MAPK10: variants seen among roughly 807,000 people sequenced by gnomAD.
The protein encoded by MAPK10 is JNK3 alpha protein kinase.
Under a neutral mutation model 59.3 loss-of-function variants are expected in MAPK10, and 25 were observed. The ratio of observed to expected loss-of-function variants is 0.42; its 90% CI spans 0.31 to 0.59. MAPK10 has a LOEUF of 0.59. MAPK10 is among the 20% of genes least tolerant of loss of function. The probability of loss-of-function intolerance (pLI) is 0.15; values close to 1 mark genes in which losing one functional copy is unlikely to be tolerated. For missense variants in MAPK10, 351 were observed against 568.9 expected (o/e 0.62, Z 3.90); for synonymous variants, 190 against 200.5 (o/e 0.95, Z 0.44).
At chr4:86,306,232 G>C (rs968078138) in intron 2 of MAPK10, among the ~76,000 whole-genome samples, 1 of 152,196 alleles carries the variant, frequency 6.6e-6, no homozygotes, top group South Asian at 2.1e-4. Context: ...TAAAATGTGT[G>C]AGAAGAGTGG....
At position 86,102,341 on chromosome 4, in the gene MAPK10, A is replaced by T. The variant is rs2055590112; in HGVS notation, c.426-309T>A. 3 of 249,514 alleles carry T rather than the reference A, an allele frequency of 1.2e-5. No homozygotes were observed. In the South Asian group the frequency reaches 3.1e-4, roughly 26 times the overall value. The allele number at this position is 249,514 out of a possible 1,614,324, so 15.5% of individuals were successfully genotyped here. ...TGAATATTATAATTTCAAATAAGAA[A>T]AAAATTAAGGACAGCTTCTTCCATT... is the stretch of plus-strand genomic sequence containing the variant. On this transcript the variant is annotated intron_variant, in intron 6 of 13. Transcript: ENST00000641462.
At chr4:86,582,131 G>C (rs1423708779) in intron 1 of MAPK10, among the ~76,000 whole-genome samples, 1 of 151,210 alleles carries the variant, frequency 6.6e-6, no homozygotes, top group Non-Finnish European at 1.5e-5. Flanking sequence ...TTTATTGTTT[G>C]TAATCTGTAA....
At chr4:86,397,864 CAAA>C (rs759585442) in intron 1 of MAPK10, among the ~76,000 whole-genome samples, 501 of 51,738 alleles carry the variant, frequency 9.7e-3, no homozygotes, top group Middle Eastern at 0.032. Context: ...TCTGCTATGG[CAAA>C]AAAAAAAAAA....
intron 4 of MAPK10, among the ~76,000 whole-genome samples, chr4:86,149,557 G>T (rs1022842297): frequency 6.6e-6 from 1 of 152,094 alleles, no homozygotes; most frequent in Non-Finnish European, 1.5e-5. Flanking sequence ...ACGAGTCACC[G>T]CACCCAACCT....
intron 4 of MAPK10, among the ~76,000 whole-genome samples, chr4:86,127,959 A>AT (rs1277293854): frequency 1.3e-5 from 2 of 151,956 alleles, no homozygotes; most frequent in Non-Finnish European, 1.5e-5. Context: ...ATATGTAGGG[A>AT]TTTTTTATTT....
intron 1 of MAPK10, among the ~76,000 whole-genome samples, chr4:86,366,245 G>A (rs1371952668): frequency 6.6e-6 from 1 of 152,060 alleles, no homozygotes; most frequent in African/African-American, 2.4e-5. Context: ...ATAGGAGGAG[G>A]CAAACAGTCA....
At chr4:86,522,722 G>A (rs1365725863) in intron 1 of MAPK10, among the ~76,000 whole-genome samples, 2 of 152,188 alleles carry the variant, frequency 1.3e-5, no homozygotes, top group Non-Finnish European at 2.9e-5. Context: ...TAGGAGGAGT[G>A]ATCTGTGTGA....
In MAPK10 at chr4:86,251,962, C is replaced by T. The variant is rs1486784858; in HGVS notation, c.-6-57555G>A. 1.7e-4 allele frequency among the ~76,000 whole-genome samples: 21 copies of T among 122,030 alleles called. 6 individuals are homozygous for T. The highest frequency in any genetic ancestry group is 1.0e-3 in the African/African-American group (21 of 20,370). 80.1% of individuals were successfully genotyped at this position (122,030 alleles called of 152,430 possible). On this transcript the variant is annotated intron_variant, in intron 2 of 13. Transcript: ENST00000641462. ...CATTTTTTCATGTGTTTTTTGGCTG[C>T]ATAAAAGTCTTCTTTTGAGAAGTGT...
At chr4:86,286,478 A>C (rs2095016727) in intron 2 of MAPK10, among the ~76,000 whole-genome samples, 1 of 152,216 alleles carries the variant, frequency 6.6e-6, no homozygotes, top group South Asian at 2.1e-4. Context: ...GCACTGTTCT[A>C]AGCACTTTAT....
intron 1 of MAPK10, among the ~76,000 whole-genome samples, chr4:86,458,492 G>A (rs542951490): frequency 7.9e-5 from 12 of 151,962 alleles, no homozygotes; most frequent in South Asian, 2.1e-4. Context: ...AAATCTGGAC[G>A]CATCACATGA....
chr4:86,258,713 C>A (rs563880867), intron 2 of MAPK10, among the ~76,000 whole-genome samples: 79 of 152,166 alleles, frequency 5.2e-4, no homozygotes, highest in African/African-American at 1.8e-3. Flanking sequence ...TCTTACCTAA[C>A]CCTTCTGAAA....
intron 2 of MAPK10, among the ~76,000 whole-genome samples, chr4:86,222,459 T>C (rs1412232806): frequency 6.6e-6 from 1 of 152,126 alleles, no homozygotes; most frequent in Non-Finnish European, 1.5e-5. Flanking sequence ...GTACAAAGCC[T>C]TCACACCACC....
intron 1 of MAPK10, among the ~76,000 whole-genome samples, chr4:86,425,538 A>T (rs559114666): frequency 5.3e-4 from 80 of 152,288 alleles, no homozygotes; most frequent in Admixed American, 9.8e-4. Context: ...CCTTCTTTAA[A>T]CCATCCAATT....
chr4:86,082,940 A>G (rs2050964814), intron 9 of MAPK10, among the ~76,000 whole-genome samples: 1 of 152,178 alleles, frequency 6.6e-6, no homozygotes, highest in African/African-American at 2.4e-5. Context: ...CTGTCAGGCA[A>G]AATACCTGTG....
At chr4:86,226,574 A>C (rs2090665932) in intron 2 of MAPK10, among the ~76,000 whole-genome samples, 2 of 152,212 alleles carry the variant, frequency 1.3e-5, no homozygotes, top group African/African-American at 4.8e-5. Context: ...TTTTACTTCT[A>C]AGGGATTTTA....
intron 3 of MAPK10, among the ~76,000 whole-genome samples, chr4:86,168,959 G>A (rs2073008412): frequency 6.6e-6 from 1 of 152,174 alleles, no homozygotes; most frequent in African/African-American, 2.4e-5. Context: ...AACAGGGTCT[G>A]GAGTGGACCT....
intron 2 of MAPK10, among the ~76,000 whole-genome samples, chr4:86,260,270 A>G (rs540006585): frequency 6.6e-6 from 1 of 152,230 alleles, no homozygotes; most frequent in South Asian, 2.1e-4. Flanking sequence ...TTTGTAAAAT[A>G]CGAGTTTCAT....
At chr4:86,398,600 C>T (rs56805412) in intron 1 of MAPK10, among the ~76,000 whole-genome samples, 26,776 of 152,060 alleles carry the variant, frequency 0.18, 2,485 homozygotes, top group South Asian at 0.28. Context: ...TGTTATTTTT[C>T]TTAATAATTT....
chr4:86,147,154 A>G (rs1045901250), intron 4 of MAPK10, among the ~76,000 whole-genome samples: 5 of 151,618 alleles, frequency 3.3e-5, no homozygotes, highest in Admixed American at 2.6e-4. Flanking sequence ...TAGCATGATC[A>G]TGGCTCACTG....
Sources: gnomAD v4.1 joint callset for allele counts (sites outside exome capture counted in the v4.1 genomes callset) on GRCh38, gnomAD v4.1.1 for gene constraint, MANE v1.5 for transcripts, NCBI Gene and HGNC (gene_info 2026-07-23, HGNC 2026-07-21) for gene names.